The following GTSE1 variants were observed in gnomAD, a reference collection of about 807,000 sequenced individuals.
GTSE1 encodes G2 and S-phase expressed 1, also known as G2 and S phase-expressed protein 1.
A neutral mutation model predicts 60.5 loss-of-function variants in GTSE1; 52 were observed. The ratio of observed to expected loss-of-function variants is 0.86; its 90% confidence interval spans 0.69 to 1.08. The LOEUF (loss-of-function observed/expected upper bound fraction) is 1.08. Among genes scored for constraint, GTSE1 ranks in the 50% least tolerant of loss-of-function variants. The probability of loss-of-function intolerance (pLI) is 0.00; values close to 1 mark genes in which losing one functional copy is unlikely to be tolerated. For missense variants in GTSE1, 937 were observed against 961.8 expected (o/e 0.97, Z 0.34); for synonymous variants, 368 against 386.5 (o/e 0.95, Z 0.56).
chr22:46,306,094 A>G (rs6008587), intron 2 of GTSE1, among the ~76,000 whole-genome samples: 24,721 of 152,072 alleles, frequency 0.16, 2,931 homozygotes, highest in African/African-American at 0.33. Context: ...GTAATTAAGA[A>G]TAATTGATTA....
chr22:46,298,299 C>T (rs1055727977), intron 2 of GTSE1, among the ~76,000 whole-genome samples: 1 of 151,388 alleles, frequency 6.6e-6, no homozygotes, highest in Non-Finnish European at 1.5e-5. Flanking sequence ...GTAGTTTTCT[C>T]ACACTACCCA....
chr22:46,303,400 T>A (rs2077700326), intron 2 of GTSE1, among the ~76,000 whole-genome samples: 1 of 152,248 alleles, frequency 6.6e-6, no homozygotes. Flanking sequence ...AATGATTTTG[T>A]CCTTAGCCAT....
rs762810733 is a variant in GTSE1 at position 46,328,808 on chromosome 22, C to T, written c.1845C>T (p.Ser615=). ...PQALNFSPEE[S]DSTFSKSTAT... ...CACTTAACTTTTCTCCAGAGGAAAG[C>T]GATTCTACTTTCTCCAAAAGTACTG... The change falls in exon 10 of 12, where the codon AGC becomes AGT. Residue 615 remains serine, a synonymous_variant. Transcript: ENST00000454366. 28 of 1,613,940 alleles carry T rather than the reference C, an allele frequency of 1.7e-5. No individual in the cohort carries two copies. The highest frequency in any genetic ancestry group is 2.2e-5 in the South Asian group (2 of 91,086).
rs77719017 is a variant in GTSE1, at chr22:46,326,500, G to A, written c.1570G>A (p.Ala524Thr). ...SGPAPQSLLS[A>T]WRVSALPTPA... ...GCCAGCACCACAAAGCCTGCTGAGCGCATGGCGTGTGTCAGCCTTGCCCAC... is the reference window on the plus strand; with the variant it reads ...GCCAGCACCACAAAGCCTGCTGAGCACATGGCGTGTGTCAGCCTTGCCCAC... Residue 524 changes from alanine (A) to threonine (T), a missense_variant, in exon 9 of 12, where the codon GCA (alanine) becomes ACA (threonine). Transcript: ENST00000454366. The A allele has an allele frequency of 3.9e-3, 6,360 of 1,613,996 alleles. 230 individuals carry two copies. The African/African-American group carries it at 0.073, about 19-fold the overall frequency.
rs527449057 is a variant in GTSE1, at chr22:46,319,148, G to T, written c.1432+2736G>T. On this transcript the variant is annotated intron_variant, in intron 7 of 11. Transcript: ENST00000454366. The surrounding 1 kb of genome is among the most constrained non-coding windows in gnomAD (Gnocchi z 5.0). ...ACCTCAGCCAGTCAGTGACCGAGGG[G>T]CAGGGTAAGAAGAGATGAAGATGGA... 3.9e-5 allele frequency among the ~76,000 whole-genome samples: 6 copies of T among 152,342 alleles called. No individual in the cohort carries two copies. The highest frequency in any genetic ancestry group is 1.9e-4 in the East Asian group (1 of 5,188).
intron 8 of GTSE1, among the ~76,000 whole-genome samples, chr22:46,325,355 C>A (rs1320617273): frequency 6.6e-6 from 1 of 152,160 alleles, no homozygotes; most frequent in Admixed American, 6.5e-5. Flanking sequence ...TGCCACCACA[C>A]CCGGCTCATT....
At chr22:46,311,227 G>A (rs546244255) in intron 4 of GTSE1, among the ~76,000 whole-genome samples, 173 of 152,082 alleles carry the variant, frequency 1.1e-3, no homozygotes, top group African/African-American at 7.7e-4. Context: ...ACAGGCGCCC[G>A]CCACCACGCC....
intron 7 of GTSE1, among the ~76,000 whole-genome samples, chr22:46,322,838 A>G (rs2077821208): frequency 6.6e-6 from 1 of 152,222 alleles, no homozygotes; most frequent in African/African-American, 2.4e-5. Context: ...TAGCGCATGC[A>G]GGTGCCGTCT....
rs1238491407 is a variant in GTSE1, at chr22:46,308,627, A to G, written c.446A>G (p.Glu149Gly). 2 of 1,614,030 alleles carry G rather than the reference A, an allele frequency of 1.2e-6. No homozygotes were observed. The highest frequency in any genetic ancestry group is 2.2e-5 in the South Asian group (2 of 91,090). ...QESKLKINLF[E>G]KEKEMKKSPT... ...TCAAAATTAAAAATAAACCTCTTTG[A>G]GAAAGAAAAGGAAATGAAGAAAAGC... Residue 149 changes from glutamate (E) to glycine (G), a missense_variant, in exon 4 of 12, where the codon GAG becomes GGG. Physicochemically the swap from Glu to Gly is moderately conservative, Grantham distance 98. Coordinates refer to ENST00000454366, the MANE Select transcript of GTSE1 (RefSeq NM_016426.7).
At position 46,323,396 on chromosome 22, in the gene GTSE1, G is replaced by A. The variant is rs74768631; in HGVS notation, c.1505+134G>A. 2,083 of 730,856 alleles carry A rather than the reference G, an allele frequency of 2.9e-3. 36 individuals are homozygous for A. The African/African-American group carries it at 0.032, about 11-fold the overall frequency. The allele number at this position is 730,856 out of a possible 1,614,324, so 45.3% of individuals were successfully genotyped here. On this transcript the variant is annotated intron_variant, in intron 8 of 11. Transcript: ENST00000454366. ...CACGCCAGTCTCTTGGGTGCAGGCC[G>A]AGCTCCTGATGTGTACCAGCCCCTT... is the stretch of plus-strand genomic sequence containing the variant.
Position 46,308,186 on chromosome 22 carries a change from A to G in GTSE1, c.116A>G (p.Asp39Gly). Residue 39 changes from aspartate (D) to glycine (G), a missense_variant, in exon 3 of 12, where the codon GAT becomes GGT. Asp to Gly is a moderately conservative substitution (Grantham distance 94). Transcript: ENST00000454366. ...LLLADEKFDFDLSLSSSSANE... is the reference protein window; with the variant it reads ...LLLADEKFDFGLSLSSSSANE... Reference sequence around the variant, plus strand: ...TTGGCCGATGAAAAATTTGACTTCGATCTTTCATTGTCTTCTTCGAGGTAA... The same window carrying G: ...TTGGCCGATGAAAAATTTGACTTCGGTCTTTCATTGTCTTCTTCGAGGTAA... 2 of 1,613,500 alleles carry G rather than the reference A, an allele frequency of 1.2e-6. No homozygotes were observed. The highest frequency in any genetic ancestry group is 1.7e-6 in the Non-Finnish European group (2 of 1,179,484).
At chr22:46,301,580 C>T (rs2077689555) in intron 2 of GTSE1, among the ~76,000 whole-genome samples, 1 of 151,574 alleles carries the variant, frequency 6.6e-6, no homozygotes, top group African/African-American at 2.4e-5. Context: ...CTCCCCCTCT[C>T]AGGTTCCAGC....
In GTSE1 at chr22:46,319,162, G is replaced by A. The variant is rs547611006; in HGVS notation, c.1432+2750G>A. On this transcript the variant is annotated intron_variant, in intron 7 of 11. Transcript: ENST00000454366. This position sits in a 1 kb window ranked among gnomAD's most constrained non-coding sequence, Gnocchi z 5.0. ...GTGACCGAGGGGCAGGGTAAGAAGAGATGAAGATGGAGGGGCAGCCCGAGG... is the reference window on the plus strand; with the variant it reads ...GTGACCGAGGGGCAGGGTAAGAAGAAATGAAGATGGAGGGGCAGCCCGAGG... Among the ~76,000 whole-genome samples the A allele has an allele frequency of 6.6e-6, 1 of 152,324 alleles. No individual in the cohort carries two copies. Among genetic ancestry groups the A allele is most frequent in the South Asian group, 2.1e-4 (1 of 4,828 alleles).
At chr22:46,307,823 A>C (rs2077723736) in intron 2 of GTSE1, among the ~76,000 whole-genome samples, 1 of 152,124 alleles carries the variant, frequency 6.6e-6, no homozygotes, top group African/African-American at 2.4e-5. Context: ...TAAAAAAAAA[A>C]AAAACTGGCC....
rs984346910 is a variant in GTSE1, at chr22:46,297,844, C to G, written c.79+365C>G. On this transcript the variant is annotated intron_variant, in intron 2 of 11. Transcript: ENST00000454366. This position sits in a 1 kb window ranked among gnomAD's most constrained non-coding sequence, Gnocchi z 4.9. Reference sequence around the variant, plus strand: ...CTTTGAGACCATGTTAATGAGTAAGCCTGGCCCCAAACCCCTTTCTTCTTG... The same window carrying G: ...CTTTGAGACCATGTTAATGAGTAAGGCTGGCCCCAAACCCCTTTCTTCTTG... Among the ~76,000 whole-genome samples, 1 of 152,200 alleles carries G rather than the reference C, an allele frequency of 6.6e-6. No individual in the cohort carries two copies. The highest frequency in any genetic ancestry group is 2.4e-5 in the African/African-American group (1 of 41,440).
rs2147824508 is a variant in GTSE1, at chr22:46,316,625, C to A, written c.1432+213C>A. ...TACGTTCGTTCCTGTGTGTGTGACA[C>A]CCCAATGCTCGTAGGCTGCTTGTAA... On this transcript the variant is annotated intron_variant, in intron 7 of 11. Coordinates refer to ENST00000454366, the MANE Select transcript of GTSE1 (RefSeq NM_016426.7). This position sits in a 1 kb window ranked among gnomAD's most constrained non-coding sequence, Gnocchi z 5.0. Among the ~76,000 whole-genome samples the A allele has an allele frequency of 6.6e-6, 1 of 152,292 alleles. No homozygotes were observed. The highest frequency in any genetic ancestry group is 2.1e-4 in the South Asian group (1 of 4,828).
chr22:46,317,034 G>T lies in GTSE1; in HGVS notation c.1432+622G>T, dbSNP rs550624133. The stretch of plus-strand genomic sequence containing the variant: ...TGGAATGCAGTGGCGCGATCTCAGC[G>T]CACTGTAACCTCCACCTACCGAGTT... On this transcript the variant is annotated intron_variant, in intron 7 of 11. Coordinates refer to ENST00000454366, the MANE Select transcript of GTSE1 (RefSeq NM_016426.7). The surrounding 1 kb of genome is among the most constrained non-coding windows in gnomAD (Gnocchi z 5.6). 1.3e-5 allele frequency among the ~76,000 whole-genome samples: 2 copies of T among 151,596 alleles called. No individual in the cohort carries two copies. The highest frequency in any genetic ancestry group is 3.9e-4 in the East Asian group (2 of 5,154).
At chr22:46,315,293 G>A (rs536132346) in intron 6 of GTSE1, among the ~76,000 whole-genome samples, 6 of 152,242 alleles carry the variant, frequency 3.9e-5, no homozygotes, top group Middle Eastern at 3.4e-3. Context: ...TCTTGACCTC[G>A]TGATCCGCCC....
chr22:46,323,248 C>G lies in GTSE1; in HGVS notation c.1491C>G (p.Cys497Trp). ...CGCGGGCACAGCGGCCGCAGTCGTG[C>G]ACGTCAGTTGGCAGGTGAGTGACGT... Reference protein sequence around the residue: ...KLSRAQRPQSCTSVGRVTVHS... With the variant: ...KLSRAQRPQSWTSVGRVTVHS... The change falls in exon 8 of 12, where the codon TGC (cysteine) becomes TGG (tryptophan). Residue 497 changes from cysteine to tryptophan, a missense_variant. Transcript: ENST00000454366. The G allele has an allele frequency of 6.2e-6, 10 of 1,613,424 alleles. No individual in the cohort carries two copies. The highest frequency in any genetic ancestry group is 8.5e-6 in the Non-Finnish European group (10 of 1,179,318).
Sources: allele counts gnomAD v4.1 joint callset (sites outside exome capture counted in the v4.1 genomes callset), GRCh38; gene constraint gnomAD v4.1.1; non-coding constraint Gnocchi (gnomAD v3.1); transcripts MANE v1.5; gene names NCBI Gene and HGNC (gene_info 2026-07-23, HGNC 2026-07-21).